Variants in GABBR2 observed in about 807,000 individuals in gnomAD.
GABBR2 encodes the protein gamma-aminobutyric acid type B receptor subunit 2, also known as G-protein coupled receptor 51.
GABBR2 carries 23 observed loss-of-function variants against 105.6 expected under a neutral mutation model. The ratio of observed to expected loss-of-function variants is 0.22; its 90% CI spans 0.16 to 0.31. The LOEUF is 0.31. Among genes scored for constraint, GABBR2 ranks in the 10% least tolerant of loss-of-function variants. The pLI, the probability that GABBR2 is intolerant of heterozygous loss-of-function variation, is 1.00. For synonymous variants in GABBR2, 478 were observed against 499.7 expected (o/e 0.96, Z 0.58); for missense variants, 734 against 1,245.5 (o/e 0.59, Z 6.18).
At chr9:98,367,488 G>A (rs1278899226) in intron 12 of GABBR2, among the ~76,000 whole-genome samples, 5 of 152,082 alleles carry the variant, frequency 3.3e-5, no homozygotes, top group Non-Finnish European at 5.9e-5. Context: ...AGAAGAGGGA[G>A]TTAGTGTTGA....
At chr9:98,529,820 A>G (rs945739691) in intron 3 of GABBR2, among the ~76,000 whole-genome samples, 1 of 152,114 alleles carries the variant, frequency 6.6e-6, no homozygotes, top group Non-Finnish European at 1.5e-5. Flanking sequence ...AAAACCATCC[A>G]TGGCTCCCAA....
chr9:98,572,156 G>A (rs1480935461), intron 2 of GABBR2, among the ~76,000 whole-genome samples: 1 of 152,210 alleles, frequency 6.6e-6, no homozygotes. Flanking sequence ...TCAGACCCTG[G>A]ACTCTATGAA....
At chr9:98,648,540 C>G (rs1830061741) in intron 1 of GABBR2, among the ~76,000 whole-genome samples, 1 of 152,198 alleles carries the variant, frequency 6.6e-6, no homozygotes, top group Admixed American at 6.5e-5. Context: ...GTGGCAAGTA[C>G]TTGACAGCGC....
rs144066942 is a variant in GABBR2, at chr9:98,563,866, C to T, written c.459+14069G>A. Among the ~76,000 whole-genome samples, 107 of 152,274 alleles carry T rather than the reference C, an allele frequency of 7.0e-4. 1 individual carries two copies. Among genetic ancestry groups the T allele is most frequent in the Non-Finnish European group, 1.3e-3 (87 of 68,024 alleles). On this transcript the variant is annotated intron_variant, in intron 2 of 18. Transcript: ENST00000259455. Reference sequence around the variant, plus strand: ...AAGCAAAAGCCTTCTGTATAATTCACAACTAATGTAGACTATGCTCTATTT... The same window carrying T: ...AAGCAAAAGCCTTCTGTATAATTCATAACTAATGTAGACTATGCTCTATTT...
intron 2 of GABBR2, among the ~76,000 whole-genome samples, chr9:98,568,204 C>G (rs968645183): frequency 6.6e-6 from 1 of 152,130 alleles, no homozygotes; most frequent in Non-Finnish European, 1.5e-5. Flanking sequence ...TGAACCTCCC[C>G]CTCCATCCCT....
chr9:98,299,246 C>A lies in GABBR2; in HGVS notation c.2520G>T (p.Leu840=). The change falls in exon 17 of 19, where the codon CTG becomes CTT. Residue 840 remains leucine, a synonymous_variant. Coordinates refer to ENST00000259455, the MANE Select transcript of GABBR2 (RefSeq NM_005458.8). ...TACCTGTGCTCTCAGTGAAGTTTCC[C>A]AGGTTGAGGATGTCATTGAGCTCTT... The part of the protein sequence containing the change: ...HYQELNDILN[L]GNFTESTDGG... 3.1e-6 allele frequency: 5 copies of A among 1,614,100 alleles called. No individual in the cohort carries two copies. Among genetic ancestry groups the A allele is most frequent in the Non-Finnish European group, 4.2e-6 (5 of 1,180,026 alleles).
intron 7 of GABBR2, among the ~76,000 whole-genome samples, chr9:98,421,219 A>G (rs1024902721): frequency 1.3e-5 from 2 of 152,244 alleles, no homozygotes; most frequent in Non-Finnish European, 2.9e-5. Context: ...CAGTCTCAAC[A>G]TTAGATTGTG....
At chr9:98,539,558 A>G (rs915445728) in intron 3 of GABBR2, among the ~76,000 whole-genome samples, 1 of 152,090 alleles carries the variant, frequency 6.6e-6, no homozygotes, top group Non-Finnish European at 1.5e-5. Flanking sequence ...CTTCTACAAA[A>G]TGAGGAGGGT....
At chr9:98,706,114 A>AAAAAAAAAAAAAAAAAAAAC (rs1830890270) in intron 1 of GABBR2, among the ~76,000 whole-genome samples, 1 of 17,206 alleles carries the variant, frequency 5.8e-5, no homozygotes, top group Non-Finnish European at 2.9e-4. Context: ...AAAAACAAAA[A>AAAAAAAAAAAAAAAAAAAAC]AAAAAAAAAA....
chr9:98,328,859 A>G (rs755685792), intron 13 of GABBR2, among the ~76,000 whole-genome samples: 43 of 152,174 alleles, frequency 2.8e-4, no homozygotes, highest in Non-Finnish European at 5.6e-4. Context: ...GACAGGGGGT[A>G]TGGTGGGTAG....
intron 1 of GABBR2, among the ~76,000 whole-genome samples, chr9:98,581,907 G>C (rs547784861): frequency 6.6e-6 from 1 of 152,322 alleles, no homozygotes; most frequent in Admixed American, 6.5e-5. Context: ...TTCTGTATTA[G>C]TAATGATGTC....
At chr9:98,510,475 C>A (rs1444613179) in intron 3 of GABBR2, among the ~76,000 whole-genome samples, 1 of 152,016 alleles carries the variant, frequency 6.6e-6, no homozygotes, top group Non-Finnish European at 1.5e-5. Flanking sequence ...CACAGACTGG[C>A]AAATTGGATA....
intron 1 of GABBR2, among the ~76,000 whole-genome samples, chr9:98,588,863 T>A (rs922150864): frequency 1.1e-4 from 16 of 152,196 alleles, no homozygotes; most frequent in Middle Eastern, 6.8e-3. Flanking sequence ...CTCTTTTCCA[T>A]CCACAGTGTG....
At position 98,455,445 on chromosome 9, in the gene GABBR2, G is replaced by A. The variant is rs57034854; in HGVS notation, c.1000-1228C>T. On this transcript the variant is annotated intron_variant, in intron 6 of 18. Transcript: ENST00000259455. The stretch of plus-strand genomic sequence containing the variant: ...TCACACACAGGACAATTGACTCTTT[G>A]TCAGTTTATACTGAGAAGGGCCCCT... Among the ~76,000 whole-genome samples, 1,373 of 152,228 alleles carry A rather than the reference G, an allele frequency of 9.0e-3. 19 individuals carry two copies. The highest frequency in any genetic ancestry group is 0.031 in the African/African-American group (1,304 of 41,536).
At chr9:98,427,151 T>C (rs1358986066) in intron 7 of GABBR2, among the ~76,000 whole-genome samples, 1 of 152,146 alleles carries the variant, frequency 6.6e-6, no homozygotes, top group African/African-American at 2.4e-5. Context: ...CTGTGAGATG[T>C]CAGGAGCAGA....
intron 1 of GABBR2, among the ~76,000 whole-genome samples, chr9:98,683,431 A>C (rs867372799): frequency 3.9e-5 from 6 of 152,084 alleles, no homozygotes; most frequent in Non-Finnish European, 8.8e-5. Context: ...TGAGCCTCTG[A>C]TGTTTTATCT....
chr9:98,549,567 A>G (rs892212466), intron 2 of GABBR2, among the ~76,000 whole-genome samples: 1 of 152,214 alleles, frequency 6.6e-6, no homozygotes, highest in Non-Finnish European at 1.5e-5. Flanking sequence ...GGTACCATCA[A>G]ACTGCTCTCT....
intron 2 of GABBR2, among the ~76,000 whole-genome samples, chr9:98,561,313 G>A (rs1828671341): frequency 6.6e-6 from 1 of 151,656 alleles, no homozygotes; most frequent in Non-Finnish European, 1.5e-5. Context: ...AAACCGTGAA[G>A]GAATGAACCC....
chr9:98,384,810 C>T (rs903267230), intron 11 of GABBR2, among the ~76,000 whole-genome samples: 7 of 151,714 alleles, frequency 4.6e-5, no homozygotes, highest in South Asian at 2.1e-4. Context: ...CTCTTTTTTA[C>T]GTATAAACCA....
Sources: gnomAD v4.1 joint callset for allele counts (sites outside exome capture counted in the v4.1 genomes callset) on GRCh38, gnomAD v4.1.1 for gene constraint, MANE v1.5 for transcripts, NCBI Gene and HGNC (gene_info 2026-07-23, HGNC 2026-07-21) for gene names.